NT5C2: variants seen among roughly 807,000 people sequenced by gnomAD.
The protein encoded by NT5C2 is cytosolic purine 5'-nucleotidase.
Under a neutral mutation model 76.1 loss-of-function variants are expected in NT5C2, and 58 were observed. The observed-to-expected ratio is 0.76, with a 90% CI of 0.62 to 0.95. The LOEUF (loss-of-function observed/expected upper bound fraction) is 0.95, where lower values mean the gene tolerates loss of function less well. Among genes scored for constraint, NT5C2 ranks in the 40% least tolerant of loss-of-function variants. NT5C2 has a pLI of 0.00. For missense variants in NT5C2, 478 were observed against 690.3 expected (o/e 0.69, Z 3.45); for synonymous variants, 229 against 237.4 (o/e 0.96, Z 0.32).
At chr10:103,154,962 T>C (rs2083066905) in intron 3 of NT5C2, among the ~76,000 whole-genome samples, 1 of 152,210 alleles carries the variant, frequency 6.6e-6, no homozygotes, top group African/African-American at 2.4e-5. Context: ...TTTAAGACTT[T>C]ACTATTGGCA....
intron 3 of NT5C2, among the ~76,000 whole-genome samples, chr10:103,165,152 T>C (rs574128570): frequency 1.3e-5 from 2 of 152,282 alleles, no homozygotes; most frequent in Non-Finnish European, 2.9e-5. Flanking sequence ...TAGAGTATGA[T>C]AGCATGATCA....
chr10:103,183,262 G>GAT (rs201371414), intron 1 of NT5C2, among the ~76,000 whole-genome samples: 2,867 of 73,264 alleles, frequency 0.039, 88 homozygotes, highest in African/African-American at 0.072. Context: ...GTGTGTGTGT[G>GAT]ATATATATAT....
intron 4 of NT5C2, among the ~76,000 whole-genome samples, chr10:103,133,940 T>G (rs1215271988): frequency 6.6e-6 from 1 of 152,202 alleles, no homozygotes; most frequent in Non-Finnish European, 1.5e-5. Flanking sequence ...ATTTTGCCCC[T>G]ACCCTAGAGA....
chr10:103,153,387 G>C (rs1463359091), intron 3 of NT5C2: 1 of 1,190,256 alleles, frequency 8.4e-7, no homozygotes, highest in Non-Finnish European at 1.1e-6. Context: ...TAGCTCATTT[G>C]TTAAAGCACA....
chr10:103,095,903 T>C, intron 12 of NT5C2, 36 bp downstream of exon 12: 1 of 1,560,412 alleles, frequency 6.4e-7, no homozygotes, highest in South Asian at 1.1e-5. Context: ...CATTCATTGT[T>C]ATTAAAGCAG....
chr10:103,110,193 C>G (rs557854846), intron 4 of NT5C2, among the ~76,000 whole-genome samples: 1 of 152,132 alleles, frequency 6.6e-6, no homozygotes, highest in Non-Finnish European at 1.5e-5. Context: ...CCAGCACTTA[C>G]ACCTGTAATC....
chr10:103,095,957 G>A lies in NT5C2; in HGVS notation c.795C>T (p.Asp265=), dbSNP rs759963786. Residue 265 remains aspartate (D), a synonymous_variant, in exon 12 of 19, where the codon GAC becomes GAT. Coordinates refer to ENST00000404739, the MANE Select transcript of NT5C2 (RefSeq NM_001351169.2). ...ACGGTACCTTGGGGCCATGTGGGAA[G>A]TCAAACAGGTAAGTCATAATTTTCT... is the stretch of plus-strand genomic sequence containing the variant. ...YTDKIMTYLF[D]FPHGPKPGSS... The A allele has an allele frequency of 1.9e-6, 3 of 1,613,364 alleles. No individual in the cohort carries two copies. The highest frequency in any genetic ancestry group is 2.2e-5 in the East Asian group (1 of 44,840).
At chr10:103,178,458 T>A (rs1312296092) in intron 2 of NT5C2, among the ~76,000 whole-genome samples, 1 of 151,948 alleles carries the variant, frequency 6.6e-6, no homozygotes, top group Non-Finnish European at 1.5e-5. Context: ...GGCAGGAGTA[T>A]CACTTGAGCC....
Position 103,100,015 on chromosome 10 carries a change from C to T in NT5C2, c.544G>A (p.Glu182Lys). Residue 182 changes from glutamate to lysine, a missense_variant, in exon 9 of 19, where the codon GAA becomes AAA. Transcript: ENST00000404739. ...FTNCPRYTSC[E>K]TGFKDGDLFM... ...AGGTCCCCATCTTTAAATCCTGTTT[C>T]ACAACTACAGAAAGATAAAAATAAC... 6.3e-7 allele frequency: 1 copy of T among 1,598,820 alleles called. No homozygotes were observed. The highest frequency in any genetic ancestry group is 8.6e-7 in the Non-Finnish European group (1 of 1,167,018).
rs899760812 is a variant in NT5C2 at position 103,173,845 on chromosome 10, T to C, written c.101+1013A>G. Among the ~76,000 whole-genome samples, 6 of 150,470 alleles carry C rather than the reference T, an allele frequency of 4.0e-5. No homozygotes were observed. In the East Asian group the frequency reaches 5.9e-4, roughly 15 times the overall value. The stretch of plus-strand genomic sequence containing the variant: ...GTGCGGTGGCTCACGCCTGTAATCC[T>C]AGCACTCTAGGATGCCGAGGCAGGT... On this transcript the variant is annotated intron_variant, in intron 3 of 18. Transcript: ENST00000404739.
chr10:103,143,931 G>C (rs977673046), intron 3 of NT5C2, among the ~76,000 whole-genome samples: 1 of 151,954 alleles, frequency 6.6e-6, no homozygotes, highest in African/African-American at 2.4e-5. Context: ...TTCTAGCCTG[G>C]GCAACAGAGC....
chr10:103,178,911 A>G (rs1182838879), intron 2 of NT5C2, among the ~76,000 whole-genome samples: 1 of 145,256 alleles, frequency 6.9e-6, no homozygotes, highest in African/African-American at 2.5e-5. Context: ...TGTTTCCTCT[A>G]CGTTTTCTCT....
In NT5C2 at chr10:103,093,739, A is replaced by G. The variant is rs76494441; in HGVS notation, c.988+233T>C. The G allele has an allele frequency of 1.0e-3, 498 of 500,164 alleles. 4 individuals are homozygous for G. The highest frequency in any genetic ancestry group is 8.0e-3 in the African/African-American group (419 of 52,500). 31.0% of individuals were successfully genotyped at this position (500,164 alleles called of 1,614,324 possible). A position where few individuals can be genotyped will look rare whatever the true frequency, so the allele number is the denominator to read the frequency against. ...GAAGCACTGAGAAAAAGCCTCCAAT[A>G]GGATTTAAAAAAAAAACTGATCATT... On this transcript the variant is annotated intron_variant, in intron 14 of 18. Coordinates refer to ENST00000404739, the MANE Select transcript of NT5C2 (RefSeq NM_001351169.2).
At chr10:103,102,916 A>G (rs1794327781) in intron 6 of NT5C2, among the ~76,000 whole-genome samples, 1 of 152,000 alleles carries the variant, frequency 6.6e-6, no homozygotes, top group African/African-American at 2.4e-5. Flanking sequence ...GGAATCATGA[A>G]AAGTATTAGA....
intron 1 of NT5C2, among the ~76,000 whole-genome samples, chr10:103,192,364 G>A (rs2092701976): frequency 6.6e-6 from 1 of 152,126 alleles, no homozygotes; most frequent in Admixed American, 6.5e-5. Context: ...GGCCCTAAAG[G>A]TGAAAGCCCA....
intron 7 of NT5C2, 52 bp downstream of exon 7, chr10:103,101,183 A>G: frequency 1.4e-6 from 2 of 1,408,786 alleles, no homozygotes; most frequent in Non-Finnish European, 1.0e-6. Flanking sequence ...AATACAGACT[A>G]ATGGTCACAG....
intron 14 of NT5C2, 76 bp from the exon 15 acceptor site, chr10:103,093,385 A>G: frequency 2.4e-6 from 3 of 1,231,144 alleles, no homozygotes; most frequent in Non-Finnish European, 3.3e-6. Flanking sequence ...TAACCATTAA[A>G]TACTATGATT....
chr10:103,110,431 G>C (rs991430779), intron 4 of NT5C2, among the ~76,000 whole-genome samples: 2 of 152,122 alleles, frequency 1.3e-5, no homozygotes, highest in African/African-American at 4.8e-5. Context: ...ACTCCAGTCT[G>C]GGCAACAGAG....
At chr10:103,183,974 C>CA (rs1267988357) in intron 1 of NT5C2, among the ~76,000 whole-genome samples, 3 of 148,698 alleles carry the variant, frequency 2.0e-5, no homozygotes, top group Non-Finnish European at 1.5e-5. Context: ...TTTTTTGAGA[C>CA]AGAGTTTCAC....
Sources: gnomAD v4.1 joint callset for allele counts (sites outside exome capture counted in the v4.1 genomes callset) on GRCh38, gnomAD v4.1.1 for gene constraint, MANE v1.5 for transcripts, NCBI Gene and HGNC (gene_info 2026-07-23, HGNC 2026-07-21) for gene names.